Variants in PARVA observed in about 807,000 individuals in gnomAD.
The protein encoded by PARVA is alpha-parvin.
A neutral mutation model predicts 52.6 loss-of-function variants in PARVA; 25 were observed. That is an observed-to-expected ratio of 0.48 (90% CI 0.35 to 0.66). PARVA has a LOEUF of 0.66. Among genes scored for constraint, PARVA ranks in the 30% least tolerant of loss-of-function variants. PARVA has a pLI of 0.01. For synonymous variants in PARVA, 185 were observed against 179.1 expected, an observed-to-expected ratio of 1.03 and a Z score of -0.26; for missense variants, 373 against 450.9, an observed-to-expected ratio of 0.83 and a Z score of 1.56.
At chr11:12,387,571 G>GTT (rs1939590834) in intron 1 of PARVA, among the ~76,000 whole-genome samples, 1 of 151,728 alleles carries the variant, frequency 6.6e-6, no homozygotes, top group Non-Finnish European at 1.5e-5. Context: ...GTGTGTGTGT[G>GTT]TGTATGTAGC....
chr11:12,440,709 A>G (rs1940454372), intron 1 of PARVA, among the ~76,000 whole-genome samples: 1 of 152,154 alleles, frequency 6.6e-6, no homozygotes, highest in South Asian at 2.1e-4. Flanking sequence ...TGGAGTCCCT[A>G]TTCCCTTGCT....
intron 1 of PARVA, among the ~76,000 whole-genome samples, chr11:12,423,086 T>C (rs1281732016): frequency 6.6e-6 from 1 of 152,150 alleles, no homozygotes; most frequent in Non-Finnish European, 1.5e-5. Flanking sequence ...ACTCCTGACC[T>C]CAGGTGATCT....
chr11:12,397,547 A>G (rs1166689732), intron 1 of PARVA, among the ~76,000 whole-genome samples: 4 of 152,236 alleles, frequency 2.6e-5, no homozygotes, highest in South Asian at 2.1e-4. Flanking sequence ...ATGATAGAGA[A>G]GAAAAACACC....
At chr11:12,397,643 T>C (rs1000634896) in intron 1 of PARVA, among the ~76,000 whole-genome samples, 2 of 152,178 alleles carry the variant, frequency 1.3e-5, no homozygotes, top group Non-Finnish European at 2.9e-5. Context: ...TCCGGATCTC[T>C]AATCTTATTG....
chr11:12,376,965 G>A (rs1384891741), upstream of PARVA, among the ~76,000 whole-genome samples: 2 of 152,200 alleles, frequency 1.3e-5, no homozygotes, highest in Admixed American at 6.5e-5. Flanking sequence ...TGGAAACACG[G>A]ATGTCTTACA....
chr11:12,448,578 G>A (rs57319661), intron 1 of PARVA, among the ~76,000 whole-genome samples: 7 of 152,168 alleles, frequency 4.6e-5, no homozygotes, highest in Non-Finnish European at 7.3e-5. Flanking sequence ...TTATAAGAAC[G>A]TGAGTAATGG....
intron 4 of PARVA, among the ~76,000 whole-genome samples, chr11:12,492,003 G>A (rs769180781): frequency 6.6e-6 from 1 of 152,082 alleles, no homozygotes. Flanking sequence ...TAATATACTT[G>A]GAGACAAAAG....
intron 1 of PARVA, among the ~76,000 whole-genome samples, chr11:12,383,435 A>C (rs947483925): frequency 1.3e-4 from 20 of 152,200 alleles, no homozygotes; most frequent in African/African-American, 4.6e-4. Flanking sequence ...TATCCCCCAG[A>C]GTTTTACATT....
intron 4 of PARVA, among the ~76,000 whole-genome samples, chr11:12,490,463 G>A (rs1941220302): frequency 6.6e-6 from 1 of 150,920 alleles, no homozygotes; most frequent in Non-Finnish European, 1.5e-5. Flanking sequence ...GTTGCAGTGA[G>A]CAGAGATCGA....
At chr11:12,486,537 A>T (rs951082466) in intron 4 of PARVA, among the ~76,000 whole-genome samples, 1 of 151,490 alleles carries the variant, frequency 6.6e-6, no homozygotes, top group Non-Finnish European at 1.5e-5. Flanking sequence ...CTGTCTCAAA[A>T]ATAAAAATAA....
chr11:12,487,661 T>C (rs907941023), intron 4 of PARVA, among the ~76,000 whole-genome samples: 2 of 152,210 alleles, frequency 1.3e-5, no homozygotes, highest in African/African-American at 4.8e-5. Flanking sequence ...ATTGTTGATA[T>C]ATGCTGCTAT....
intron 8 of PARVA, chr11:12,513,088 C>T (rs915407922): frequency 4.8e-5 from 33 of 685,510 alleles, no homozygotes; most frequent in Non-Finnish European, 8.6e-5. Context: ...TACACATGCA[C>T]GGACACAGAC....
chr11:12,515,670 A>G (rs1941559026), intron 10 of PARVA, among the ~76,000 whole-genome samples: 1 of 152,082 alleles, frequency 6.6e-6, no homozygotes, highest in South Asian at 2.1e-4. Flanking sequence ...TTTTACTCCT[A>G]ACTCCTTCTC....
At chr11:12,518,569 C>A in intron 12 of PARVA, 52 bp downstream of exon 12, 1 of 1,266,230 alleles carries the variant, frequency 7.9e-7, no homozygotes, top group Non-Finnish European at 1.1e-6. Flanking sequence ...CCTCTCCCTG[C>A]ACATGAGTAC....
intron 1 of PARVA, among the ~76,000 whole-genome samples, chr11:12,412,838 C>T (rs1424387926): frequency 1.3e-5 from 2 of 152,194 alleles, no homozygotes; most frequent in East Asian, 1.9e-4. Flanking sequence ...CTCCTTGGAT[C>T]GCAAACTCTT....
chr11:12,470,528 T>G (rs1489425795), intron 1 of PARVA, among the ~76,000 whole-genome samples: 1 of 152,204 alleles, frequency 6.6e-6, no homozygotes, highest in Non-Finnish European at 1.5e-5. Context: ...CGTAGGCAGC[T>G]TGGCTTCTAA....
chr11:12,387,576 T>C (rs1939591020), intron 1 of PARVA, among the ~76,000 whole-genome samples: 1 of 152,094 alleles, frequency 6.6e-6, no homozygotes, highest in African/African-American at 2.4e-5. Flanking sequence ...TGTGTGTGTA[T>C]GTAGCTTATG....
intron 1 of PARVA, among the ~76,000 whole-genome samples, chr11:12,415,320 T>C (rs1024234754): frequency 6.6e-6 from 1 of 152,190 alleles, no homozygotes; most frequent in Non-Finnish European, 1.5e-5. Flanking sequence ...GTGTGTCATA[T>C]GCTAAGCTTT....
rs906661268 is a variant in PARVA at position 12,492,157 on chromosome 11, G to A, written c.401-4301G>A. 4.9e-4 allele frequency among the ~76,000 whole-genome samples: 74 copies of A among 152,140 alleles called. 1 individual carries two copies. Among genetic ancestry groups the A allele is most frequent in the Admixed American group, 2.0e-3 (31 of 15,264 alleles). On this transcript the variant is annotated intron_variant, in intron 4 of 12. Coordinates refer to ENST00000334956, the MANE Select transcript of PARVA (RefSeq NM_018222.5). ...CATCTCAGTTCTCCCACCATTCAGGGTAATTGAGTTTATTCTGCCTTGTCT... is the reference window on the plus strand; with the variant it reads ...CATCTCAGTTCTCCCACCATTCAGGATAATTGAGTTTATTCTGCCTTGTCT...
Sources: allele counts gnomAD v4.1 joint callset (sites outside exome capture counted in the v4.1 genomes callset), GRCh38; gene constraint gnomAD v4.1.1; transcripts MANE v1.5; gene names NCBI Gene and HGNC (gene_info 2026-07-23, HGNC 2026-07-21).